KCTD4: variants seen among roughly 807,000 people sequenced by gnomAD.
KCTD4 encodes the protein BTB/POZ domain-containing protein KCTD4.
In KCTD4, 12 loss-of-function variants were observed where a neutral mutation model predicts 18.3. The ratio of observed to expected loss-of-function variants is 0.66; its 90% CI spans 0.42 to 1.06. The LOEUF (loss-of-function observed/expected upper bound fraction) is 1.06, where lower values mean the gene tolerates loss of function less well. KCTD4 is among the 50% of genes least tolerant of loss of function. The pLI, the probability that KCTD4 is intolerant of heterozygous loss-of-function variation, is 0.00. For synonymous variants in KCTD4, 124 were observed against 110.5 expected (o/e 1.12, Z -0.76); for missense variants, 250 against 303.4 (o/e 0.82, Z 1.31).
intron 1 of KCTD4, among the ~76,000 whole-genome samples, chr13:45,197,077 A>C (rs1872932011): frequency 6.6e-6 from 1 of 151,768 alleles, no homozygotes; most frequent in East Asian, 1.9e-4. Flanking sequence ...CAAAGTTGAC[A>C]TGTGTGATTT....
At chr13:45,194,812 G>A (rs1872811039) in intron 1 of KCTD4, 58 bp from the exon 2 acceptor site, 4 of 497,710 alleles carry the variant, frequency 8.0e-6, no homozygotes, top group Non-Finnish European at 1.4e-5. Context: ...GGGATTTGTT[G>A]TGAAAGGATT....
intron 1 of KCTD4, among the ~76,000 whole-genome samples, chr13:45,196,885 C>T (rs1872921691): frequency 6.6e-6 from 1 of 152,062 alleles, no homozygotes; most frequent in African/African-American, 2.4e-5. Flanking sequence ...TCAGTCATCA[C>T]CCCAGGGCCA....
intron 1 of KCTD4, among the ~76,000 whole-genome samples, chr13:45,197,973 G>T (rs1872984771): frequency 6.6e-6 from 1 of 152,172 alleles, no homozygotes; most frequent in Non-Finnish European, 1.5e-5. Flanking sequence ...GCCTTTGCAG[G>T]CAAAAACATA....
chr13:45,198,080 TA>T lies in KCTD4; in HGVS notation c.-188+2743del, dbSNP rs112106824. Among the ~76,000 whole-genome samples, 329 of 152,362 alleles carry T rather than the reference TA, an allele frequency of 2.2e-3. 3 individuals carry two copies. The highest frequency in any genetic ancestry group is 7.6e-3 in the African/African-American group (314 of 41,584). On this transcript the variant is annotated intron_variant, in intron 1 of 1. Coordinates refer to ENST00000379108, the MANE Select transcript of KCTD4 (RefSeq NM_198404.3). ...TGTCTTAGACAGCTTTAATCATATA[TA>T]ACCAACTTTGAGAATTTAAACTGGT...
Position 45,193,199 on chromosome 13 carries a change from C to A in KCTD4, c.*589G>T, listed in dbSNP as rs1445398898. On this transcript the variant is annotated 3_prime_UTR_variant, in exon 2 of 2. Coordinates refer to ENST00000379108, the MANE Select transcript of KCTD4 (RefSeq NM_198404.3). ...TCAGCTATAAGTCTAATATGAAACA[C>A]AGGAACTGTGAATATAAGCTTTTGG... 1 of 152,176 alleles carries A rather than the reference C, an allele frequency of 6.6e-6. No homozygotes were observed. Among genetic ancestry groups the A allele is most frequent in the African/African-American group, 2.4e-5 (1 of 41,436 alleles). The allele number at this position is 152,176 out of a possible 1,614,324, so 9.4% of individuals were successfully genotyped here. A position where few individuals can be genotyped will look rare whatever the true frequency, so the allele number is the denominator to read the frequency against.
At chr13:45,198,650 C>T (rs2138179509) in intron 1 of KCTD4, among the ~76,000 whole-genome samples, 1 of 152,154 alleles carries the variant, frequency 6.6e-6, no homozygotes, top group East Asian at 1.9e-4. Context: ...CTGCTGTCAA[C>T]TTTTTACTTA....
At chr13:45,197,500 C>A (rs1402541345) in intron 1 of KCTD4, among the ~76,000 whole-genome samples, 2 of 145,240 alleles carry the variant, frequency 1.4e-5, no homozygotes, top group Admixed American at 6.9e-5. Flanking sequence ...CACAGTAAGA[C>A]CCTGTCTCCA....
rs1300764493 is a variant in KCTD4 at position 45,195,282 on chromosome 13, C to A, written c.-187-528G>T. On this transcript the variant is annotated intron_variant, in intron 1 of 1. Coordinates refer to ENST00000379108, the MANE Select transcript of KCTD4 (RefSeq NM_198404.3). ...TTTATTTTTTATTATTTTATTTACC[C>A]TAAAAGTAAAAAAAAAATCAAATAG... 2.0e-5 allele frequency among the ~76,000 whole-genome samples: 3 copies of A among 150,806 alleles called. No homozygotes were observed. In the South Asian group the frequency reaches 6.3e-4, roughly 31 times the overall value.
chr13:45,194,625 A>T lies in KCTD4; in HGVS notation c.-58T>A. 1 of 1,428,966 alleles carries T rather than the reference A, an allele frequency of 7.0e-7. No homozygotes were observed. Among genetic ancestry groups the T allele is most frequent in the East Asian group, 2.3e-5 (1 of 43,922 alleles). The allele number at this position is 1,428,966 out of a possible 1,614,324, so 88.5% of individuals were successfully genotyped here. On this transcript the variant is annotated 5_prime_UTR_variant, in exon 2 of 2. Coordinates refer to ENST00000379108, the MANE Select transcript of KCTD4 (RefSeq NM_198404.3). ...TGGCTTTGAGATTTTTTAAAAAGAGACACTACCACACAAGCACGCCTTTAT... is the reference window on the plus strand; with the variant it reads ...TGGCTTTGAGATTTTTTAAAAAGAGTCACTACCACACAAGCACGCCTTTAT...
intron 1 of KCTD4, among the ~76,000 whole-genome samples, chr13:45,195,332 T>C (rs1872835837): frequency 6.6e-6 from 1 of 152,196 alleles, no homozygotes; most frequent in Admixed American, 6.5e-5. Flanking sequence ...ACTTAATTTT[T>C]TTGCTTAAGA....
At chr13:45,197,484 G>A (rs1356397955) in intron 1 of KCTD4, among the ~76,000 whole-genome samples, 1 of 149,762 alleles carries the variant, frequency 6.7e-6, no homozygotes, top group African/African-American at 2.5e-5. Context: ...ACTCCAGTCT[G>A]GGCAACACAG....
Position 45,194,492 on chromosome 13 carries a change from G to T in KCTD4, c.76C>A (p.Gln26Lys). The T allele has an allele frequency of 1.2e-6, 2 of 1,614,092 alleles. No homozygotes were observed. The highest frequency in any genetic ancestry group is 2.2e-5 in the South Asian group (2 of 91,080). ...AGTGTGGATTTGCAGTTCTTTCCTT[G>T]ATCAGTATCTTCCAGGCTGTTGTGT... ...GKHNSLEDTD[Q>K]GKNCKSTLMT... The change falls in exon 2 of 2, where the codon CAA (glutamine) becomes AAA (lysine). Residue 26 changes from glutamine (Q) to lysine (K), a missense_variant. By Grantham distance (53) the Gln-to-Lys change is moderately conservative. Coordinates refer to ENST00000379108, the MANE Select transcript of KCTD4 (RefSeq NM_198404.3).
chr13:45,197,160 T>C (rs1593485448), intron 1 of KCTD4, among the ~76,000 whole-genome samples: 1 of 151,692 alleles, frequency 6.6e-6, no homozygotes, highest in Non-Finnish European at 1.5e-5. Context: ...TACAAATCCA[T>C]AGGACTTTTG....
In KCTD4 at chr13:45,194,535, T is replaced by G. The variant is rs1872794940; in HGVS notation, c.33A>C (p.Glu11Asp). Reference sequence around the variant, plus strand: ...TGTTGTGTTTCCCTTCATACTCCTTTTCTTTTTCTCTTCTGTTTATTTTAC... The same window carrying G: ...TGTTGTGTTTCCCTTCATACTCCTTGTCTTTTTCTCTTCTGTTTATTTTAC... MERKINRREK[E>D]KEYEGKHNSL... is the part of the protein sequence containing the mutation. Residue 11 changes from glutamate to aspartate, a missense_variant, in exon 2 of 2, where the codon GAA becomes GAC. Physicochemically the swap from Glu to Asp is conservative, Grantham distance 45. Coordinates refer to ENST00000379108, the MANE Select transcript of KCTD4 (RefSeq NM_198404.3). 6.2e-7 allele frequency: 1 copy of G among 1,612,986 alleles called. No individual in the cohort carries two copies. The highest frequency in any genetic ancestry group is 1.3e-5 in the African/African-American group (1 of 74,776).
At chr13:45,199,361 C>T (rs1303855599) in intron 1 of KCTD4, among the ~76,000 whole-genome samples, 1 of 152,176 alleles carries the variant, frequency 6.6e-6, no homozygotes, top group African/African-American at 2.4e-5. Context: ...AAATTCCATT[C>T]CACATTTCTT....
intron 1 of KCTD4, among the ~76,000 whole-genome samples, chr13:45,197,531 C>G (rs1238569135): frequency 6.8e-6 from 1 of 148,018 alleles, no homozygotes; most frequent in Non-Finnish European, 1.5e-5. Flanking sequence ...AAAAAAGGCA[C>G]CCAGTAGGCC....
Position 45,194,671 on chromosome 13 carries a change from G to T in KCTD4, c.-104C>A. On this transcript the variant is annotated 5_prime_UTR_variant, in exon 2 of 2. Coordinates refer to ENST00000379108, the MANE Select transcript of KCTD4 (RefSeq NM_198404.3). ...TTTATTCAGCCCCAGCCTGGTGATG[G>T]AATGGAAACGCTGGCAGCATCGCCT... 1 of 1,051,964 alleles carries T rather than the reference G, an allele frequency of 9.5e-7. No individual in the cohort carries two copies. Among genetic ancestry groups the T allele is most frequent in the Non-Finnish European group, 1.4e-6 (1 of 714,484 alleles). The allele number at this position is 1,051,964 out of a possible 1,614,324, so 65.2% of individuals were successfully genotyped here.
chr13:45,198,205 G>A (rs1872998838), intron 1 of KCTD4, among the ~76,000 whole-genome samples: 1 of 152,198 alleles, frequency 6.6e-6, no homozygotes, highest in Non-Finnish European at 1.5e-5. Flanking sequence ...CCTACCATCT[G>A]CATAAGGCAG....
chr13:45,195,099 G>A (rs995557975), intron 1 of KCTD4, among the ~76,000 whole-genome samples: 6 of 152,008 alleles, frequency 3.9e-5, no homozygotes, highest in African/African-American at 1.4e-4. Context: ...TTCTTTCCCG[G>A]AAAAAGTCAC....
Sources: allele counts gnomAD v4.1 joint callset (sites outside exome capture counted in the v4.1 genomes callset), GRCh38; gene constraint gnomAD v4.1.1; transcripts MANE v1.5; gene names NCBI Gene and HGNC (gene_info 2026-07-23, HGNC 2026-07-21).